The following SDK1 variants were observed in gnomAD, a reference collection of about 807,000 sequenced individuals.
SDK1 encodes the protein sidekick cell adhesion molecule 1, also known as protein sidekick-1.
A neutral mutation model predicts 245.5 loss-of-function variants in SDK1; 157 were observed. That is an observed-to-expected ratio of 0.64 (90% confidence interval 0.56 to 0.73). SDK1 has a LOEUF of 0.73. SDK1 is among the 30% of genes least tolerant of loss of function. SDK1 has a pLI of 0.00. For synonymous variants in SDK1, 1,647 were observed against 1,278.5 expected (o/e 1.29, Z -6.15); for missense variants, 3,583 against 3,002.3 (o/e 1.19, Z -4.52).
At chr7:4,082,495 A>C (rs1019299402) in intron 22 of SDK1, among the ~76,000 whole-genome samples, 1 of 150,868 alleles carries the variant, frequency 6.6e-6, no homozygotes, top group East Asian at 2.0e-4. Flanking sequence ...AGATCATGCC[A>C]CTGTACTTCA....
intron 38 of SDK1, among the ~76,000 whole-genome samples, chr7:4,211,222 T>G (rs75770461): frequency 0.036 from 5,439 of 152,196 alleles, 144 homozygotes; most frequent in South Asian, 0.082. Context: ...ACAGCTTCCA[T>G]AGAAGAGCAG....
intron 1 of SDK1, among the ~76,000 whole-genome samples, chr7:3,379,618 G>T (rs536947557): frequency 5.9e-5 from 9 of 152,198 alleles, no homozygotes; most frequent in African/African-American, 2.2e-4. Flanking sequence ...ATGGGATTTG[G>T]GAGGAAGAAA....
At chr7:3,798,442 C>T (rs997145925) in intron 4 of SDK1, among the ~76,000 whole-genome samples, 1 of 152,062 alleles carries the variant, frequency 6.6e-6, no homozygotes, top group Non-Finnish European at 1.5e-5. Context: ...TGGTCTTGAT[C>T]TCCTGACCTT....
intron 35 of SDK1, among the ~76,000 whole-genome samples, chr7:4,181,538 G>A (rs1043411066): frequency 3.3e-5 from 5 of 151,948 alleles, no homozygotes; most frequent in African/African-American, 1.2e-4. Context: ...TTCCCCACTG[G>A]GCCCCCATCT....
chr7:3,793,372 C>T (rs1778867095), intron 4 of SDK1, among the ~76,000 whole-genome samples: 1 of 152,066 alleles, frequency 6.6e-6, no homozygotes, highest in Non-Finnish European at 1.5e-5. Context: ...GATAGAAAAG[C>T]TATGTATTTG....
At chr7:3,915,288 A>G (rs1779330729) in intron 5 of SDK1, among the ~76,000 whole-genome samples, 1 of 152,178 alleles carries the variant, frequency 6.6e-6, no homozygotes, top group Admixed American at 6.5e-5. Context: ...AGTCTTTGGT[A>G]GGAGACCCCT....
chr7:3,519,470 G>C (rs1782862218), intron 1 of SDK1, among the ~76,000 whole-genome samples: 1 of 152,106 alleles, frequency 6.6e-6, no homozygotes, highest in African/African-American at 2.4e-5. Context: ...GGGATTTGTT[G>C]TATGAAATAA....
At chr7:3,756,462 CGTT>C (rs777735592) in intron 4 of SDK1, among the ~76,000 whole-genome samples, 361 of 151,294 alleles carry the variant, frequency 2.4e-3, no homozygotes, top group Non-Finnish European at 3.6e-3. Context: ...ACATGTATAT[CGTT>C]GTTTTAAATC....
intron 5 of SDK1, among the ~76,000 whole-genome samples, chr7:3,940,905 G>GAGTGGCCTCT (rs1780342942): frequency 6.6e-6 from 1 of 151,998 alleles, no homozygotes; most frequent in South Asian, 2.1e-4. Context: ...CACTCTCATG[G>GAGTGGCCTCT]AGTGGCCTCT....
rs141833217 is a variant in SDK1 at position 3,722,880 on chromosome 7, A to G, written c.713+80775A>G. Among the ~76,000 whole-genome samples, 819 of 152,272 alleles carry G rather than the reference A, an allele frequency of 5.4e-3. 6 individuals are homozygous for G. Among genetic ancestry groups the G allele is most frequent in the African/African-American group, 0.019 (770 of 41,542 alleles). Reference sequence around the variant, plus strand: ...TGGCCATTCCCCCTCCTCTCTCAGGACATATGCTTTCCCCAAGATGGAGAG... The same window carrying G: ...TGGCCATTCCCCCTCCTCTCTCAGGGCATATGCTTTCCCCAAGATGGAGAG... On this transcript the variant is annotated intron_variant, in intron 4 of 44. Transcript: ENST00000404826.
At chr7:4,208,430 C>T in intron 37 of SDK1, 145 bp downstream of exon 37, 1 of 718,520 alleles carries the variant, frequency 1.4e-6, no homozygotes, top group Non-Finnish European at 2.3e-6. Context: ...TCTGGATGGG[C>T]AGGACTGGGT....
At chr7:3,687,723 C>T (rs539630122) in intron 4 of SDK1, among the ~76,000 whole-genome samples, 31 of 152,208 alleles carry the variant, frequency 2.0e-4, no homozygotes, top group Admixed American at 1.3e-4. Flanking sequence ...AGCAAAGCAG[C>T]GGAGAGAGGA....
chr7:3,382,624 C>A (rs1158290394), intron 1 of SDK1, among the ~76,000 whole-genome samples: 2 of 152,064 alleles, frequency 1.3e-5, no homozygotes, highest in East Asian at 3.8e-4. Context: ...TTTAAAAAAT[C>A]ATGTTTTTGA....
intron 4 of SDK1, among the ~76,000 whole-genome samples, chr7:3,809,096 A>G (rs1548616): frequency 1.1e-4 from 17 of 152,138 alleles, no homozygotes; most frequent in African/African-American, 4.1e-4. Flanking sequence ...CAGGCTGTAC[A>G]GGAAGCATGG....
At chr7:4,017,937 G>C (rs1786548764) in intron 17 of SDK1, among the ~76,000 whole-genome samples, 2 of 152,106 alleles carry the variant, frequency 1.3e-5, no homozygotes, top group Non-Finnish European at 2.9e-5. Context: ...GTGAGATCCG[G>C]GTGCGGCGTG....
intron 1 of SDK1, among the ~76,000 whole-genome samples, chr7:3,479,632 G>C (rs902415912): frequency 3.3e-5 from 5 of 151,762 alleles, no homozygotes; most frequent in Admixed American, 2.0e-4. Flanking sequence ...GGGAGGTCGA[G>C]GTGGGGGGAT....
chr7:4,191,203 C>T (rs1356664353), intron 35 of SDK1, among the ~76,000 whole-genome samples: 5 of 151,938 alleles, frequency 3.3e-5, no homozygotes, highest in Non-Finnish European at 5.9e-5. Flanking sequence ...CAGGCCCTCC[C>T]CCGCCGCAGT....
intron 7 of SDK1, among the ~76,000 whole-genome samples, chr7:3,957,526 C>G (rs1287518867): frequency 6.6e-6 from 1 of 152,136 alleles, no homozygotes; most frequent in African/African-American, 2.4e-5. Context: ...TAATCATAAG[C>G]AAATGTTGTT....
intron 1 of SDK1, among the ~76,000 whole-genome samples, chr7:3,544,315 A>G (rs538141854): frequency 6.6e-6 from 1 of 152,336 alleles, no homozygotes; most frequent in African/African-American, 2.4e-5. Context: ...AATAGAACAT[A>G]TTTTGTCAGA....
Sources: gnomAD v4.1 joint callset for allele counts (sites outside exome capture counted in the v4.1 genomes callset) on GRCh38, gnomAD v4.1.1 for gene constraint, MANE v1.5 for transcripts, NCBI Gene and HGNC (gene_info 2026-07-23, HGNC 2026-07-21) for gene names.